Variants in COBL observed in about 807,000 individuals in gnomAD.
COBL encodes the protein protein cordon-bleu.
COBL carries 51 observed loss-of-function variants against 98.8 expected under a neutral mutation model. That is an observed-to-expected ratio of 0.52 (90% CI 0.41 to 0.65). The LOEUF is 0.65. COBL is among the 30% of genes least tolerant of loss of function. COBL has a pLI of 0.00. For missense variants in COBL, 1,617 were observed against 1,617.5 expected, an observed-to-expected ratio of 1.00 and a Z score of 0.01; for synonymous variants, 634 against 651.7, an observed-to-expected ratio of 0.97 and a Z score of 0.41.
chr7:51,154,881 A>G (rs1785965497), intron 5 of COBL, among the ~76,000 whole-genome samples: 1 of 152,376 alleles, frequency 6.6e-6, no homozygotes, highest in South Asian at 2.1e-4. Context: ...CATGGGATAT[A>G]AAGTATTAAC....
Position 51,162,916 on chromosome 7 carries a change from A to G in COBL, c.783+21186T>C, listed in dbSNP as rs114087632. ...AGACATAGAAACAGCCAGCAGGGGG[A>G]GCACCAATAAAGCCAATACTCACTG... On this transcript the variant is annotated intron_variant, in intron 5 of 12. Transcript: ENST00000265136. Among the ~76,000 whole-genome samples, 888 of 152,334 alleles carry G rather than the reference A, an allele frequency of 5.8e-3. 7 individuals carry two copies. Among genetic ancestry groups the G allele is most frequent in the African/African-American group, 0.02 (848 of 41,570 alleles).
At chr7:51,045,380 T>C (rs1432761576) in intron 7 of COBL, among the ~76,000 whole-genome samples, 3 of 152,088 alleles carry the variant, frequency 2.0e-5, no homozygotes, top group Non-Finnish European at 2.9e-5. Context: ...AATCCAAGCA[T>C]GTGGGCTCTC....
chr7:51,247,549 C>A (rs2215163), intron 1 of COBL, among the ~76,000 whole-genome samples: 7,324 of 152,192 alleles, frequency 0.048, 580 homozygotes, highest in African/African-American at 0.16. Flanking sequence ...AAGGTGGACA[C>A]TGGACAGGTA....
chr7:51,159,941 G>A (rs933364837), intron 5 of COBL, among the ~76,000 whole-genome samples: 21 of 152,206 alleles, frequency 1.4e-4, no homozygotes, highest in African/African-American at 4.8e-4. Context: ...TGCCCAGGCT[G>A]GAGTGCAATG....
chr7:51,186,569 G>T (rs967436279), intron 4 of COBL, among the ~76,000 whole-genome samples: 2 of 152,188 alleles, frequency 1.3e-5, no homozygotes, highest in Non-Finnish European at 2.9e-5. Flanking sequence ...AAGGACTGAG[G>T]TCGGCTCCCT....
At chr7:51,260,546 G>C (rs1797624033) in intron 1 of COBL, among the ~76,000 whole-genome samples, 1 of 152,232 alleles carries the variant, frequency 6.6e-6, no homozygotes, top group Non-Finnish European at 1.5e-5. Context: ...CATGAGAAAG[G>C]CTCATATACA....
chr7:51,245,350 C>A (rs941688871), intron 1 of COBL, among the ~76,000 whole-genome samples: 1 of 152,194 alleles, frequency 6.6e-6, no homozygotes, highest in African/African-American at 2.4e-5. Context: ...TCATCCCTAC[C>A]CACTCCTGCT....
chr7:51,085,143 A>ACTG, intron 7 of COBL, 23 bp downstream of exon 7: 1 of 1,613,438 alleles, frequency 6.2e-7, no homozygotes, highest in Non-Finnish European at 8.5e-7. Flanking sequence ...CCGCATGCAG[A>ACTG]CGGCAGGCCG....
intron 1 of COBL, among the ~76,000 whole-genome samples, chr7:51,258,808 C>T (rs1455512347): frequency 6.6e-6 from 1 of 152,060 alleles, no homozygotes; most frequent in Non-Finnish European, 1.5e-5. Context: ...TAATATTATT[C>T]CTTCCCCATT....
At chr7:51,188,183 C>T (rs1789733867) in intron 4 of COBL, among the ~76,000 whole-genome samples, 1 of 152,138 alleles carries the variant, frequency 6.6e-6, no homozygotes, top group African/African-American at 2.4e-5. Context: ...GAGCCCTTGG[C>T]TTTATCAAGA....
At chr7:51,250,814 C>T (rs74938549) in intron 1 of COBL, among the ~76,000 whole-genome samples, 4,279 of 152,210 alleles carry the variant, frequency 0.028, 208 homozygotes, top group African/African-American at 0.095. Flanking sequence ...GGATTTCAGT[C>T]CCTCTTGCTC....
In COBL at chr7:51,203,290, G is replaced by A. The variant is rs1281651007; in HGVS notation, c.246-9701C>T. ...ATCCTGGCTAACACGGTGAAACCCC[G>A]TCTCTACTAAAAATACAAAAAATTA... is the stretch of plus-strand genomic sequence containing the variant. On this transcript the variant is annotated intron_variant, in intron 2 of 12. Coordinates refer to ENST00000265136, the MANE Select transcript of COBL (RefSeq NM_015198.5). Among the ~76,000 whole-genome samples the A allele has an allele frequency of 1.6e-4, 19 of 117,332 alleles. 2 individuals are homozygous for A. The highest frequency in any genetic ancestry group is 1.7e-4 in the African/African-American group (4 of 23,710). 77.0% of individuals were successfully genotyped at this position (117,332 alleles called of 152,430 possible). A position where few individuals can be genotyped will look rare whatever the true frequency, so the allele number is the denominator to read the frequency against.
intron 1 of COBL, chr7:51,259,470 G>A (rs374047983): frequency 2.5e-5 from 14 of 568,736 alleles, no homozygotes; most frequent in South Asian, 1.2e-4. Context: ...TGTTCACCCC[G>A]ACAGCCAGGT....
At chr7:51,203,429 T>C (rs1584156533) in intron 2 of COBL, among the ~76,000 whole-genome samples, 1 of 107,312 alleles carries the variant, frequency 9.3e-6, no homozygotes, top group African/African-American at 4.2e-5. Context: ...GCCACTGCAC[T>C]CCAGCCTGGG....
At chr7:51,042,644 G>A (rs575935811) in intron 8 of COBL, among the ~76,000 whole-genome samples, 18 of 152,198 alleles carry the variant, frequency 1.2e-4, no homozygotes, top group Non-Finnish European at 2.4e-4. Flanking sequence ...TTACGGGCAT[G>A]AGCCACCATG....
rs545412225 is a variant in COBL at position 51,110,133 on chromosome 7, T to C, written c.958-24829A>G. 3.9e-4 allele frequency among the ~76,000 whole-genome samples: 60 copies of C among 152,352 alleles called. 1 individual carries two copies. In the South Asian group the frequency reaches 5.2e-3, roughly 13 times the overall value. ...TTTGTATTGTAAACATTTAAAATCT[T>C]TTCTATTTCAAACTATACAATAGTT... is the stretch of plus-strand genomic sequence containing the variant. On this transcript the variant is annotated intron_variant, in intron 6 of 12. Transcript: ENST00000265136.
intron 6 of COBL, among the ~76,000 whole-genome samples, chr7:51,097,638 G>C (rs1342619006): frequency 1.3e-5 from 2 of 152,080 alleles, no homozygotes; most frequent in Non-Finnish European, 2.9e-5. Flanking sequence ...AATCAGTTTT[G>C]TTTTTATACA....
At chr7:51,061,818 T>C (rs973449051) in intron 7 of COBL, among the ~76,000 whole-genome samples, 2 of 152,150 alleles carry the variant, frequency 1.3e-5, no homozygotes, top group Admixed American at 6.5e-5. Context: ...TTGTGGGGCC[T>C]TGAGACTTGG....
chr7:51,106,176 C>T (rs1796247721), intron 6 of COBL, among the ~76,000 whole-genome samples: 1 of 138,922 alleles, frequency 7.2e-6, no homozygotes, highest in African/African-American at 2.7e-5. Flanking sequence ...CGCACTCCAG[C>T]CTGGGTGACA....
Sources: allele counts gnomAD v4.1 joint callset (sites outside exome capture counted in the v4.1 genomes callset), GRCh38; gene constraint gnomAD v4.1.1; transcripts MANE v1.5; gene names NCBI Gene and HGNC (gene_info 2026-07-23, HGNC 2026-07-21).